Variants in DYM observed in about 807,000 individuals in gnomAD.
The protein encoded by DYM is dymeclin, also known as dyggve-Melchior-Clausen syndrome protein.
Under a neutral mutation model 93.1 loss-of-function variants are expected in DYM, and 78 were observed. That is an observed-to-expected ratio of 0.84 (90% CI 0.70 to 1.01). The LOEUF is 1.01. DYM is among the 50% of genes least tolerant of loss of function. The pLI, the probability that DYM is intolerant of heterozygous loss-of-function variation, is 0.00. For synonymous variants in DYM, 321 were observed against 319.7 expected (o/e 1.00, Z -0.04); for missense variants, 789 against 845.0 (o/e 0.93, Z 0.82).
intron 16 of DYM, among the ~76,000 whole-genome samples, chr18:49,108,174 C>T (rs563451135): frequency 7.2e-5 from 11 of 152,292 alleles, no homozygotes; most frequent in African/African-American, 1.2e-4. Context: ...TAGCAATGAG[C>T]GAGGCTCCAT....
At chr18:49,246,088 G>T (rs2094157908) in intron 13 of DYM, among the ~76,000 whole-genome samples, 1 of 152,180 alleles carries the variant, frequency 6.6e-6, no homozygotes, top group South Asian at 2.1e-4. Flanking sequence ...GAAACTGAAG[G>T]ACATTGAACA....
chr18:49,154,759 AGTTGCAT>A (rs1652686750), intron 15 of DYM, among the ~76,000 whole-genome samples: 1 of 151,510 alleles, frequency 6.6e-6, no homozygotes, highest in Non-Finnish European at 1.5e-5. Context: ...AGGGAAAGCA[AGTTGCAT>A]GTATACTTGA....
chr18:49,451,610 C>A (rs1051613136), intron 1 of DYM, among the ~76,000 whole-genome samples: 2 of 152,214 alleles, frequency 1.3e-5, no homozygotes, highest in Non-Finnish European at 2.9e-5. Context: ...TCTGAGATTT[C>A]TTGTGGAACA....
At chr18:49,371,534 G>A (rs776568594) in intron 5 of DYM, among the ~76,000 whole-genome samples, 7 of 152,000 alleles carry the variant, frequency 4.6e-5, no homozygotes, top group East Asian at 1.9e-4. Flanking sequence ...CATGAGAAGC[G>A]TTTCCAAAAA....
intron 15 of DYM, among the ~76,000 whole-genome samples, chr18:49,131,112 T>C (rs2083342924): frequency 6.6e-6 from 1 of 152,102 alleles, no homozygotes; most frequent in Non-Finnish European, 1.5e-5. Flanking sequence ...ATTATAATAC[T>C]TACCACAAAC....
Position 49,097,324 on chromosome 18 carries a change from G to C in DYM, c.2025+78C>G, listed in dbSNP as rs142828436. On this transcript the variant is annotated intron_variant, in intron 17 of 17. Coordinates refer to ENST00000675505, the MANE Select transcript of DYM (RefSeq NM_001353214.3). ...GTACTGGATAAGCAGCATGATTCTG[G>C]ATAGGGTCTGCTAAGACACTAACAT... 2.7e-4 allele frequency: 347 copies of C among 1,298,536 alleles called. No homozygotes were observed. The East Asian group carries it at 5.4e-3, about 20-fold the overall frequency. 80.4% of individuals were successfully genotyped at this position (1,298,536 alleles called of 1,614,324 possible).
chr18:49,132,220 C>T (rs1013249688), intron 15 of DYM, among the ~76,000 whole-genome samples: 4 of 151,886 alleles, frequency 2.6e-5, no homozygotes, highest in African/African-American at 9.7e-5. Flanking sequence ...TACTTCAGCA[C>T]AAGAAAAATA....
chr18:49,092,226 GT>G (rs2079113097), intron 17 of DYM, among the ~76,000 whole-genome samples: 1 of 152,184 alleles, frequency 6.6e-6, no homozygotes, highest in Non-Finnish European at 1.5e-5. Context: ...AAATAGGGGA[GT>G]CCTATTGTTC....
chr18:49,336,783 A>T (rs1313061456), intron 6 of DYM, among the ~76,000 whole-genome samples: 1 of 152,008 alleles, frequency 6.6e-6, no homozygotes. Context: ...AATAATAATC[A>T]CTCCAAAAAG....
intron 15 of DYM, among the ~76,000 whole-genome samples, chr18:49,142,667 G>A (rs562433239): frequency 1.3e-5 from 2 of 152,258 alleles, no homozygotes; most frequent in South Asian, 4.1e-4. Flanking sequence ...TAGAGAAAGG[G>A]AAAGGCAGAG....
At chr18:49,445,146 T>C (rs2081991035) in intron 1 of DYM, among the ~76,000 whole-genome samples, 1 of 152,208 alleles carries the variant, frequency 6.6e-6, no homozygotes, top group Non-Finnish European at 1.5e-5. Flanking sequence ...GTTATGTAAG[T>C]ACTTACATAA....
chr18:49,306,641 T>C (rs2146278487), intron 8 of DYM, among the ~76,000 whole-genome samples: 1 of 152,358 alleles, frequency 6.6e-6, no homozygotes, highest in South Asian at 2.1e-4. Flanking sequence ...AATGTGCATA[T>C]ATTTATAAGA....
intron 17 of DYM, among the ~76,000 whole-genome samples, chr18:49,045,139 C>T (rs1361308156): frequency 6.6e-6 from 1 of 152,122 alleles, no homozygotes; most frequent in East Asian, 1.9e-4. Flanking sequence ...GACCCTTGTC[C>T]CAGGTTGGGT....
At chr18:49,046,551 A>T (rs2071608453) in intron 17 of DYM, among the ~76,000 whole-genome samples, 1 of 144,602 alleles carries the variant, frequency 6.9e-6, no homozygotes, top group Non-Finnish European at 1.5e-5. Flanking sequence ...GACACAACAC[A>T]CACAGACACA....
intron 16 of DYM, among the ~76,000 whole-genome samples, chr18:49,115,354 AG>A (rs2145922180): frequency 6.6e-6 from 1 of 152,386 alleles, no homozygotes; most frequent in East Asian, 1.9e-4. Flanking sequence ...AGGAATACAA[AG>A]AAAATATTGC....
intron 8 of DYM, among the ~76,000 whole-genome samples, chr18:49,288,803 A>G (rs1222171828): frequency 6.6e-6 from 1 of 152,058 alleles, no homozygotes; most frequent in Non-Finnish European, 1.5e-5. Context: ...AAACAAAACA[A>G]AAACAAAAAA....
intron 2 of DYM, among the ~76,000 whole-genome samples, chr18:49,406,063 G>C (rs2071459241): frequency 2.0e-5 from 3 of 152,094 alleles, no homozygotes; most frequent in Admixed American, 2.0e-4. Flanking sequence ...ACTGATTTTT[G>C]TACATTGATT....
In DYM at chr18:49,122,962, G is replaced by A. The variant is rs565053426; in HGVS notation, c.1729-4036C>T. Among the ~76,000 whole-genome samples the A allele has an allele frequency of 6.6e-4, 100 of 152,202 alleles. 2 individuals are homozygous for A. Among genetic ancestry groups the A allele is most frequent in the African/African-American group, 2.4e-3 (99 of 41,522 alleles). On this transcript the variant is annotated intron_variant, in intron 15 of 17. Transcript: ENST00000675505. ...AGTATAGATCACTGTTGCTTACTGA[G>A]CTTTGAATTTTAATGACTATATTTT...
intron 17 of DYM, among the ~76,000 whole-genome samples, chr18:49,062,698 G>A (rs1317936230): frequency 6.6e-6 from 1 of 152,206 alleles, no homozygotes; most frequent in Non-Finnish European, 1.5e-5. Flanking sequence ...AAAGGAAATA[G>A]GAGTCTTTGG....
Sources: allele counts gnomAD v4.1 joint callset (sites outside exome capture counted in the v4.1 genomes callset), GRCh38; gene constraint gnomAD v4.1.1; transcripts MANE v1.5; gene names NCBI Gene and HGNC (gene_info 2026-07-23, HGNC 2026-07-21).